The following CSGALNACT1 variants were observed in gnomAD, a reference collection of about 807,000 sequenced individuals.
The protein encoded by CSGALNACT1 is chondroitin sulfate N-acetylgalactosaminyltransferase 1, also known as beta4GalNAcT-1.
A neutral mutation model predicts 51.0 loss-of-function variants in CSGALNACT1; 52 were observed. That is an observed-to-expected ratio of 1.02 (90% CI 0.82 to 1.29). The LOEUF (loss-of-function observed/expected upper bound fraction) is 1.29, where lower values mean the gene tolerates loss of function less well. Among genes scored for constraint, CSGALNACT1 ranks in the 50% most tolerant of loss-of-function variants. The pLI is 0.00. For missense variants in CSGALNACT1, 935 were observed against 679.2 expected (o/e 1.38, Z -4.19); for synonymous variants, 341 against 254.4 (o/e 1.34, Z -3.24).
Position 19,658,751 on chromosome 8 carries a change from A to T in CSGALNACT1, c.-544+23722T>A, listed in dbSNP as rs557914894. ...CCTGTCTCAAAACAACAACAACAACAAAAAACACCACCACCACCACAAGCA... is the reference window on the plus strand; with the variant it reads ...CCTGTCTCAAAACAACAACAACAACTAAAAACACCACCACCACCACAAGCA... On this transcript the variant is annotated intron_variant, in intron 1 of 9. Transcript: ENST00000332246. 5.7e-4 allele frequency among the ~76,000 whole-genome samples: 87 copies of T among 152,162 alleles called. No individual in the cohort carries two copies. In the South Asian group the frequency reaches 0.017, roughly 30 times the overall value.
chr8:19,564,300 T>G (rs753012090), intron 3 of CSGALNACT1, among the ~76,000 whole-genome samples: 1 of 152,080 alleles, frequency 6.6e-6, no homozygotes, highest in African/African-American at 2.4e-5. Context: ...AGAATCCCTC[T>G]GGGCACAAAA....
intron 1 of CSGALNACT1, among the ~76,000 whole-genome samples, chr8:19,732,261 T>C (rs1037928929): frequency 7.2e-5 from 11 of 152,364 alleles, no homozygotes; most frequent in African/African-American, 2.6e-4. Flanking sequence ...TCAAAAACAC[T>C]ATTTTTAATT....
At chr8:19,414,501 T>G (rs1410835197) in intron 8 of CSGALNACT1, among the ~76,000 whole-genome samples, 1 of 152,156 alleles carries the variant, frequency 6.6e-6, no homozygotes, top group Non-Finnish European at 1.5e-5. Context: ...CTAAAAAAAT[T>G]TAAATGTTAG....
intron 3 of CSGALNACT1, among the ~76,000 whole-genome samples, chr8:19,581,701 T>C (rs1187519153): frequency 1.3e-5 from 2 of 152,228 alleles, no homozygotes; most frequent in African/African-American, 2.4e-5. Flanking sequence ...AATGAACATG[T>C]AAAATACATC....
At chr8:19,420,712 C>T (rs968985552) in intron 6 of CSGALNACT1, among the ~76,000 whole-genome samples, 194 bp from the exon 6 acceptor site, 1 of 152,194 alleles carries the variant, frequency 6.6e-6, no homozygotes, top group Admixed American at 6.5e-5. Context: ...ACCAAGAACA[C>T]CTAGTGGAGT....
intron 1 of CSGALNACT1, among the ~76,000 whole-genome samples, chr8:19,716,888 C>G (rs186074408): frequency 9.9e-5 from 15 of 152,232 alleles, no homozygotes; most frequent in East Asian, 9.6e-4. Context: ...TGACCTCATC[C>G]TTTTCTGCAA....
intron 3 of CSGALNACT1, among the ~76,000 whole-genome samples, chr8:19,559,366 C>T (rs985738758): frequency 1.3e-5 from 2 of 152,094 alleles, no homozygotes; most frequent in Non-Finnish European, 2.9e-5. Flanking sequence ...AAAATACTAC[C>T]GCAAACATCA....
intron 6 of CSGALNACT1, among the ~76,000 whole-genome samples, chr8:19,436,753 A>G (rs1489003390): frequency 8.6e-5 from 13 of 152,006 alleles, no homozygotes; most frequent in Admixed American, 7.9e-4. Flanking sequence ...CAAAAACTAT[A>G]TATAAAAATT....
intron 1 of CSGALNACT1, among the ~76,000 whole-genome samples, chr8:19,740,518 G>A (rs1366235327): frequency 1.3e-5 from 2 of 152,188 alleles, no homozygotes; most frequent in Non-Finnish European, 2.9e-5. Flanking sequence ...TTCAGAGTGA[G>A]GAGGATTTTC....
At chr8:19,497,912 C>G (rs1345942789) in intron 4 of CSGALNACT1, among the ~76,000 whole-genome samples, 1 of 152,098 alleles carries the variant, frequency 6.6e-6, no homozygotes, top group African/African-American at 2.4e-5. Context: ...CCGGGAAGCC[C>G]CCTCCCCGCT....
chr8:19,524,770 C>A (rs1048769467), intron 3 of CSGALNACT1, among the ~76,000 whole-genome samples: 1 of 152,088 alleles, frequency 6.6e-6, no homozygotes, highest in Non-Finnish European at 1.5e-5. Flanking sequence ...TGCCTAAGCC[C>A]CCAAGATGTT....
chr8:19,488,336 C>G (rs1310301380), intron 4 of CSGALNACT1, among the ~76,000 whole-genome samples: 3 of 133,552 alleles, frequency 2.2e-5, no homozygotes, highest in Non-Finnish European at 4.7e-5. Context: ...AGCAACAGAG[C>G]GAGACTCCAT....
At chr8:19,410,041 T>G (rs969109081) in intron 8 of CSGALNACT1, among the ~76,000 whole-genome samples, 1 of 152,198 alleles carries the variant, frequency 6.6e-6, no homozygotes, top group Non-Finnish European at 1.5e-5. Context: ...GTTCTTTAAC[T>G]CTGTAACATA....
At chr8:19,645,701 G>C (rs1296815730) in intron 1 of CSGALNACT1, among the ~76,000 whole-genome samples, 1 of 152,222 alleles carries the variant, frequency 6.6e-6, no homozygotes, top group Non-Finnish European at 1.5e-5. Flanking sequence ...GGCACTGCCT[G>C]ACTTGCAAGC....
chr8:19,455,266 A>C (rs888759366), intron 5 of CSGALNACT1, among the ~76,000 whole-genome samples: 3 of 152,262 alleles, frequency 2.0e-5, no homozygotes, highest in African/African-American at 7.2e-5. Flanking sequence ...TCTTTAAACA[A>C]AATATAAAAC....
intron 1 of CSGALNACT1, among the ~76,000 whole-genome samples, chr8:19,725,824 A>G (rs2063369381): frequency 1.3e-5 from 2 of 151,980 alleles, no homozygotes; most frequent in African/African-American, 4.8e-5. Context: ...CCCCCAACAC[A>G]TACACAGCCT....
In CSGALNACT1 at chr8:19,628,611, C is replaced by A. The variant is rs553784302; in HGVS notation, c.-543-26746G>T. Among the ~76,000 whole-genome samples, 5 of 152,078 alleles carry A rather than the reference C, an allele frequency of 3.3e-5. No individual in the cohort carries two copies. In the South Asian group the frequency reaches 1.0e-3, roughly 32 times the overall value. On this transcript the variant is annotated intron_variant, in intron 1 of 9. Transcript: ENST00000332246. ...TAAGTAATAGAGGTAGGATTCAAAC[C>A]CAAGGAGTCCAATTCCAGAGCTTTC...
At chr8:19,682,100 G>A (rs530146411) in intron 1 of CSGALNACT1, among the ~76,000 whole-genome samples, 1 of 152,324 alleles carries the variant, frequency 6.6e-6, no homozygotes, top group Admixed American at 6.5e-5. Context: ...CTACATTGGA[G>A]CCTGGCTTCC....
chr8:19,409,500 T>TAG (rs61540555), intron 8 of CSGALNACT1, among the ~76,000 whole-genome samples: 19 of 139,970 alleles, frequency 1.4e-4, no homozygotes, highest in Admixed American at 5.6e-4. Flanking sequence ...TATATATATA[T>TAG]AGAGAGAGAG....
Sources: allele counts gnomAD v4.1 joint callset (sites outside exome capture counted in the v4.1 genomes callset), GRCh38; gene constraint gnomAD v4.1.1; transcripts MANE v1.5; gene names NCBI Gene and HGNC (gene_info 2026-07-23, HGNC 2026-07-21).